The following APOBEC3B variants were observed in gnomAD, a reference collection of about 807,000 sequenced individuals.
The protein encoded by APOBEC3B is apolipoprotein B mRNA editing enzyme catalytic subunit 3B.
APOBEC3B carries 29 observed loss-of-function variants against 53.4 expected under a neutral mutation model. That is an observed-to-expected ratio of 0.54 (90% CI 0.40 to 0.74). APOBEC3B has a LOEUF of 0.74. Among genes scored for constraint, APOBEC3B ranks in the 30% least tolerant of loss-of-function variants. APOBEC3B has a pLI of 0.00. For missense variants in APOBEC3B, 347 were observed against 496.2 expected, an observed-to-expected ratio of 0.70 and a Z score of 2.86; for synonymous variants, 132 against 184.8, an observed-to-expected ratio of 0.71 and a Z score of 2.32.
At chr22:38,982,520 G>C (rs371321488) in intron 1 of APOBEC3B, 50 bp downstream of exon 1, 1 of 1,588,240 alleles carries the variant, frequency 6.3e-7, no homozygotes, top group African/African-American at 1.3e-5. Context: ...CTTCCTGCCT[G>C]GTGGTCCTGC....
At chr22:38,983,890 G>A (rs6001355) in intron 1 of APOBEC3B, among the ~76,000 whole-genome samples, 185 bp from the exon 2 acceptor site, 1,918 of 148,232 alleles carry the variant, frequency 0.013, 116 homozygotes, top group African/African-American at 0.045. Flanking sequence ...CAGCCCGCCT[G>A]CCAGCATCCC....
rs572497133 is a variant in APOBEC3B at position 38,991,999 on chromosome 22, C to G, written c.1019-35C>G. The stretch of plus-strand genomic sequence containing the variant: ...CCTTGGTGCTGCCCCCTCCCCACAA[C>G]AGGAGCGTGACTTATCTCCCCTGTC... On this transcript the variant is annotated intron_variant, in intron 6 of 7. Coordinates refer to ENST00000333467, the MANE Select transcript of APOBEC3B (RefSeq NM_004900.5). 3 of 1,536,116 alleles carry G rather than the reference C, an allele frequency of 2.0e-6. 1 individual carries two copies. Among genetic ancestry groups the G allele is most frequent in the Middle Eastern group, 1.9e-4 (1 of 5,382 alleles).
chr22:38,982,828 A>AT (rs1923587989), intron 1 of APOBEC3B, among the ~76,000 whole-genome samples: 2 of 148,950 alleles, frequency 1.3e-5, no homozygotes, highest in South Asian at 4.4e-4. Context: ...AATTGGAGCA[A>AT]TCAGGCATTT....
intron 4 of APOBEC3B, among the ~76,000 whole-genome samples, chr22:38,986,688 G>A (rs1194053025): frequency 6.7e-6 from 1 of 148,870 alleles, no homozygotes; most frequent in Non-Finnish European, 1.5e-5. Flanking sequence ...GACACCAGCC[G>A]CTGCCCTTCT....
rs1923924043 is a variant in APOBEC3B, at chr22:38,989,916, G to C, written c.723+306G>C. 1.3e-5 allele frequency among the ~76,000 whole-genome samples: 2 copies of C among 148,784 alleles called. 1 individual carries two copies. Among genetic ancestry groups the C allele is most frequent in the Non-Finnish European group, 3.0e-5 (2 of 67,356 alleles). Reference sequence around the variant, plus strand: ...GGATTTGAGGACTCAGGGCCTACCTGACTCACAAGGCCAGGATGTCCCTGT... The same window carrying C: ...GGATTTGAGGACTCAGGGCCTACCTCACTCACAAGGCCAGGATGTCCCTGT... On this transcript the variant is annotated intron_variant, in intron 5 of 7. Transcript: ENST00000333467.
At chr22:38,990,194 G>A (rs1412904775) in intron 5 of APOBEC3B, among the ~76,000 whole-genome samples, 2 of 148,170 alleles carry the variant, frequency 1.3e-5, no homozygotes, top group Admixed American at 6.9e-5. Flanking sequence ...GTCTGGAGAG[G>A]CCAAGTTCTG....
rs762972697 is a variant in APOBEC3B at position 38,989,514 on chromosome 22, T to G, written c.627T>G (p.Leu209=). 9.4e-6 allele frequency: 15 copies of G among 1,588,936 alleles called. 2 individuals carry two copies. Residue 209 remains leucine, a synonymous_variant, in exon 5 of 8, where the codon CTT becomes CTG. Transcript: ENST00000333467. ...TFNFNNDPLV[L]RRRQTYLCYE... The stretch of plus-strand genomic sequence containing the variant: ...ACTTTAATAATGACCCTTTGGTCCT[T>G]CGACGGCGCCAGACCTACTTGTGCT...
intron 1 of APOBEC3B, among the ~76,000 whole-genome samples, chr22:38,982,947 G>C (rs1430386829): frequency 6.7e-6 from 1 of 148,576 alleles, no homozygotes; most frequent in Non-Finnish European, 1.5e-5. Context: ...ATGATAAATC[G>C]TGTCATCCAA....
chr22:38,991,481 G>A lies in APOBEC3B; in HGVS notation c.873G>A (p.Gly291=), dbSNP rs1156783526. The change falls in exon 6 of 8, where the codon GGG becomes GGA. Residue 291 remains glycine, a synonymous_variant. Coordinates refer to ENST00000333467, the MANE Select transcript of APOBEC3B (RefSeq NM_004900.5). ...WSPCFSWGCA[G]EVRAFLQENT... Reference sequence around the variant, plus strand: ...CCTGCTTCTCCTGGGGCTGTGCCGGGGAAGTGCGTGCGTTCCTTCAGGAGA... The same window carrying A: ...CCTGCTTCTCCTGGGGCTGTGCCGGAGAAGTGCGTGCGTTCCTTCAGGAGA... 6.3e-7 allele frequency: 1 copy of A among 1,593,544 alleles called. No individual in the cohort carries two copies. The highest frequency in any genetic ancestry group is 1.1e-5 in the South Asian group (1 of 88,776).
chr22:38,984,530 C>T (rs1055384318), intron 2 of APOBEC3B, among the ~76,000 whole-genome samples: 4 of 148,884 alleles, frequency 2.7e-5, no homozygotes, highest in Non-Finnish European at 4.5e-5. Context: ...AAAAGGAAAA[C>T]AGGAACTGGC....
intron 4 of APOBEC3B, 54 bp downstream of exon 4, chr22:38,986,466 C>T: frequency 6.4e-7 from 1 of 1,564,644 alleles, no homozygotes; most frequent in Non-Finnish European, 8.7e-7. Flanking sequence ...GCTCATCCTC[C>T]TGAGGCCTCC....
chr22:38,991,968 A>G (rs1924019553), intron 6 of APOBEC3B, 66 bp from the exon 7 acceptor site: 1 of 1,486,312 alleles, frequency 6.7e-7, no homozygotes, highest in Non-Finnish European at 8.9e-7. Context: ...CCTGAGAGTC[A>G]TGGGCCCTTG....
At chr22:38,990,225 C>A (rs1923939686) in intron 5 of APOBEC3B, among the ~76,000 whole-genome samples, 1 of 148,196 alleles carries the variant, frequency 6.7e-6, no homozygotes, top group East Asian at 2.3e-4. Context: ...TTGCTGGAAA[C>A]TGGGGGCTTC....
chr22:38,982,436 G>T lies in APOBEC3B; in HGVS notation c.-18G>T, dbSNP rs199854700. 8 of 1,593,488 alleles carry T rather than the reference G, an allele frequency of 5.0e-6. 1 individual carries two copies. In the South Asian group the frequency reaches 9.0e-5, roughly 18 times the overall value. ...AAAAAAGAGCGGGACAGGGACAAGC[G>T]TATCTAAGAGGCTGAACATGAATCC... is the stretch of plus-strand genomic sequence containing the variant. On this transcript the variant is annotated 5_prime_UTR_variant, in exon 1 of 8. Coordinates refer to ENST00000333467, the MANE Select transcript of APOBEC3B (RefSeq NM_004900.5).
chr22:38,987,968 G>A lies in APOBEC3B; in HGVS notation c.570-1489G>A, dbSNP rs931718754. 3.2e-4 allele frequency among the ~76,000 whole-genome samples: 47 copies of A among 148,436 alleles called. 1 individual carries two copies. Among genetic ancestry groups the A allele is most frequent in the Middle Eastern group, 3.4e-3 (1 of 292 alleles). The stretch of plus-strand genomic sequence containing the variant: ...AAAAAATGAGCCAGGCATGGTAGCG[G>A]GAGCCGGTAATCCCAGCTACTTGGG... On this transcript the variant is annotated intron_variant, in intron 4 of 7. Coordinates refer to ENST00000333467, the MANE Select transcript of APOBEC3B (RefSeq NM_004900.5).
Position 38,992,246 on chromosome 22 carries a change from G to C in APOBEC3B, c.1134+97G>C. 9 of 1,545,832 alleles carry C rather than the reference G, an allele frequency of 5.8e-6. 1 individual carries two copies. The highest frequency in any genetic ancestry group is 7.9e-6 in the Non-Finnish European group (9 of 1,145,262). On this transcript the variant is annotated intron_variant, in intron 7 of 7. Coordinates refer to ENST00000333467, the MANE Select transcript of APOBEC3B (RefSeq NM_004900.5). ...TCCCCTCTGCTCAGAGCCTCCTCTG[G>C]GTTCCCTGCTCCCCACAGGGCGCCC...
chr22:38,982,479 G>A lies in APOBEC3B; in HGVS notation c.17+9G>A. 6.3e-7 allele frequency: 1 copy of A among 1,593,440 alleles called. No homozygotes were observed. Among genetic ancestry groups the A allele is most frequent in the South Asian group, 1.1e-5 (1 of 88,754 alleles). Reference sequence around the variant, plus strand: ...ATGAATCCACAGATCAGGTACCGCTGCCCACTCTGCCTGCTGGGCCCCTCC... The same window carrying A: ...ATGAATCCACAGATCAGGTACCGCTACCCACTCTGCCTGCTGGGCCCCTCC... On this transcript the variant is annotated intron_variant, in intron 1 of 7. Transcript: ENST00000333467.
At chr22:38,992,367 A>G (rs777426702) in intron 7 of APOBEC3B, 64 bp from the exon 8 acceptor site, 141 of 1,571,300 alleles carry the variant, frequency 9.0e-5, no homozygotes, top group Non-Finnish European at 1.2e-4. Context: ...TCCCCAGGCC[A>G]CCTCCCTGTG....
Position 38,992,036 on chromosome 22 carries a change from T to C in APOBEC3B, c.1021T>C (p.Phe341Leu). The part of the protein sequence containing the change: ...AQVSIMTYDE[F>L]EYCWDTFVYR... The stretch of plus-strand genomic sequence containing the variant: ...TTATCTCCCCTGTCCCTTTTCAGAG[T>C]TTGAGTACTGCTGGGACACCTTTGT... Residue 341 changes from phenylalanine to leucine, a missense_variant and splice_region_variant, in exon 7 of 8, where the codon TTT becomes CTT. This residue lies in a region of APOBEC3B where 78 missense variants were observed against 103.9 expected (regional missense o/e 0.75). Transcript: ENST00000333467. 6.3e-7 allele frequency: 1 copy of C among 1,580,794 alleles called. No individual in the cohort carries two copies. The highest frequency in any genetic ancestry group is 8.6e-7 in the Non-Finnish European group (1 of 1,165,782).
Sources: allele counts gnomAD v4.1 joint callset (sites outside exome capture counted in the v4.1 genomes callset), GRCh38; gene constraint gnomAD v4.1.1; regional missense constraint gnomAD v4.1.1; transcripts MANE v1.5; gene names NCBI Gene and HGNC (gene_info 2026-07-23, HGNC 2026-07-21).